Variants in TMEM184B observed in about 807,000 individuals in gnomAD.
TMEM184B encodes putative MAPK-activating protein FM08.
Under a neutral mutation model 41.8 loss-of-function variants are expected in TMEM184B, and 17 were observed. The ratio of observed to expected loss-of-function variants is 0.41; its 90% confidence interval spans 0.28 to 0.61. The LOEUF (loss-of-function observed/expected upper bound fraction) is 0.61, where lower values mean the gene tolerates loss of function less well. TMEM184B is among the 20% of genes least tolerant of loss of function. TMEM184B has a pLI of 0.34. For missense variants in TMEM184B, 393 were observed against 557.8 expected (o/e 0.70, Z 2.98); for synonymous variants, 240 against 229.5 (o/e 1.05, Z -0.41).
In TMEM184B at chr22:38,224,786, T is replaced by C; in HGVS notation, c.981A>G (p.Gln327=). The C allele has an allele frequency of 6.3e-7, 1 of 1,595,192 alleles. No individual in the cohort carries two copies. Among genetic ancestry groups the C allele is most frequent in the Non-Finnish European group, 8.6e-7 (1 of 1,167,186 alleles). The change falls in exon 8 of 9, where the codon CAA becomes CAG. Residue 327 remains glutamine (Q), a splice_region_variant and synonymous_variant. Transcript: ENST00000361906. ...KVYADKRLDA[Q]GRCAPMKSIS... Reference sequence around the variant, plus strand: ...GTCGCCTAGGACCCTGGCTCATACCTTGTGCGTCCAGCCTCTTGTCAGCAT... The same window carrying C: ...GTCGCCTAGGACCCTGGCTCATACCCTGTGCGTCCAGCCTCTTGTCAGCAT...
intron 3 of TMEM184B, among the ~76,000 whole-genome samples, chr22:38,244,009 C>G (rs921914133): frequency 1.3e-5 from 2 of 152,222 alleles, no homozygotes; most frequent in Middle Eastern, 3.4e-3. Flanking sequence ...AGCAGAAGAG[C>G]TTCCCAGGCC....
At chr22:38,238,084 G>A (rs1206524306) in intron 3 of TMEM184B, among the ~76,000 whole-genome samples, 1 of 152,008 alleles carries the variant, frequency 6.6e-6, no homozygotes, top group African/African-American at 2.4e-5. Context: ...ACAGGTGTGA[G>A]CCACTGCGCC....
chr22:38,217,960 C>A (rs1346817045), downstream of TMEM184B, among the ~76,000 whole-genome samples: 5 of 152,012 alleles, frequency 3.3e-5, no homozygotes, highest in African/African-American at 1.2e-4. Context: ...GTGACACAGA[C>A]CCTGTCTCAA....
Position 38,219,304 on chromosome 22 carries a change from A to T in TMEM184B, c.*2165T>A. 1 of 985,672 alleles carries T rather than the reference A, an allele frequency of 1.0e-6. No homozygotes were observed. Among genetic ancestry groups the T allele is most frequent in the Non-Finnish European group, 1.2e-6 (1 of 829,914 alleles). The allele number at this position is 985,672 out of a possible 1,614,324, so 61.1% of individuals were successfully genotyped here. ...CACCCACAGGCAGAGATTTCAATACAATCTATATTATCTCATATATAGATT... is the reference window on the plus strand; with the variant it reads ...CACCCACAGGCAGAGATTTCAATACTATCTATATTATCTCATATATAGATT... On this transcript the variant is annotated 3_prime_UTR_variant, in exon 9 of 9. Transcript: ENST00000361906.
intron 3 of TMEM184B, among the ~76,000 whole-genome samples, chr22:38,240,072 A>G (rs1263431693): frequency 6.6e-6 from 1 of 152,124 alleles, no homozygotes; most frequent in Non-Finnish European, 1.5e-5. Context: ...CTCCCGCCTC[A>G]GCCTCCTGAG....
chr22:38,249,755 G>A (rs1310939545), intron 1 of TMEM184B, among the ~76,000 whole-genome samples: 2 of 152,206 alleles, frequency 1.3e-5, no homozygotes, highest in Admixed American at 1.3e-4. Flanking sequence ...GAAGACTAAG[G>A]CAGGAGCCTG....
At chr22:38,224,073 C>T (rs1198647932) in intron 8 of TMEM184B, 1 of 152,224 alleles carries the variant, frequency 6.6e-6, no homozygotes, top group Non-Finnish European at 1.5e-5. Flanking sequence ...GCTGTTAAAA[C>T]CTATTACCAT....
intron 8 of TMEM184B, among the ~76,000 whole-genome samples, chr22:38,224,500 C>G (rs1459941389): frequency 3.3e-5 from 5 of 152,128 alleles, no homozygotes; most frequent in Admixed American, 6.5e-5. Context: ...GTTAGAAGCC[C>G]GAGGGAATTT....
chr22:38,250,738 G>C (rs1308148434), intron 1 of TMEM184B, among the ~76,000 whole-genome samples: 6 of 152,240 alleles, frequency 3.9e-5, no homozygotes. Context: ...GGGCGGTGTT[G>C]AGAAACCCCC....
chr22:38,236,427 G>A (rs1341146445), intron 3 of TMEM184B, among the ~76,000 whole-genome samples: 2 of 152,130 alleles, frequency 1.3e-5, no homozygotes, highest in African/African-American at 2.4e-5. Flanking sequence ...GACTCCCAGG[G>A]GCAGATCCCA....
In TMEM184B at chr22:38,219,933, G is replaced by A. The variant is rs545691478; in HGVS notation, c.*1536C>T. On this transcript the variant is annotated 3_prime_UTR_variant, in exon 9 of 9. Transcript: ENST00000361906. ...AGGAAAGGAAGGAGGCCAGGAAGACGGCTGGGCCCCAACTCTCCTCACAGG... is the reference window on the plus strand; with the variant it reads ...AGGAAAGGAAGGAGGCCAGGAAGACAGCTGGGCCCCAACTCTCCTCACAGG... 54 of 985,362 alleles carry A rather than the reference G, an allele frequency of 5.5e-5. No individual in the cohort carries two copies. Among genetic ancestry groups the A allele is most frequent in the Non-Finnish European group, 5.9e-5 (49 of 829,904 alleles). The allele number at this position is 985,362 out of a possible 1,614,324, so 61.0% of individuals were successfully genotyped here.
intron 1 of TMEM184B, among the ~76,000 whole-genome samples, chr22:38,252,899 T>C (rs1027361101): frequency 1.3e-5 from 2 of 152,114 alleles, no homozygotes; most frequent in African/African-American, 2.4e-5. Context: ...TCCTAGCACT[T>C]TGGGAGGCCG....
chr22:38,259,255 T>G (rs1349136786), intron 1 of TMEM184B, among the ~76,000 whole-genome samples: 1 of 152,228 alleles, frequency 6.6e-6, no homozygotes, highest in Non-Finnish European at 1.5e-5. Context: ...TGCTATCCCC[T>G]CTGCCCATGG....
chr22:38,237,644 G>A (rs1027346333), intron 3 of TMEM184B, among the ~76,000 whole-genome samples: 3 of 152,226 alleles, frequency 2.0e-5, no homozygotes, highest in African/African-American at 7.2e-5. Flanking sequence ...GAAAATAGGG[G>A]CCTCAGAACG....
At chr22:38,224,666 T>C in intron 8 of TMEM184B, 119 bp downstream of exon 8, 1 of 998,184 alleles carries the variant, frequency 1.0e-6, no homozygotes, top group South Asian at 2.0e-5. Context: ...GCATATAGAG[T>C]GGGGATCCCA....
rs752754195 is a variant in TMEM184B at position 38,224,815 on chromosome 22, C to T, written c.952G>A (p.Val318Ile). 1 of 1,612,640 alleles carries T rather than the reference C, an allele frequency of 6.2e-7. No homozygotes were observed. The highest frequency in any genetic ancestry group is 8.5e-7 in the Non-Finnish European group (1 of 1,179,208). The change falls in exon 8 of 9, where the codon GTC (valine) becomes ATC (isoleucine). Residue 318 changes from valine to isoleucine, a missense_variant. This residue lies in a region of TMEM184B where 271 missense variants were observed against 434.1 expected (regional missense o/e 0.62). Coordinates refer to ENST00000361906, the MANE Select transcript of TMEM184B (RefSeq NM_012264.5). ...GCGTCCAGCCTCTTGTCAGCATAGA[C>T]CTTGTAGGTGAAGGCGTGCCGCAGG... ...LALRHAFTYK[V>I]YADKRLDAQG...
intron 5 of TMEM184B, among the ~76,000 whole-genome samples, chr22:38,227,724 A>C (rs1368349079): frequency 6.6e-6 from 1 of 152,008 alleles, no homozygotes; most frequent in African/African-American, 2.4e-5. Flanking sequence ...GTCACTCCCC[A>C]CACCACAGGG....
intron 2 of TMEM184B, among the ~76,000 whole-genome samples, 186 bp downstream of exon 2, chr22:38,247,584 A>C (rs1047315454): frequency 2.0e-5 from 3 of 152,226 alleles, no homozygotes; most frequent in African/African-American, 4.8e-5. Context: ...TGGGTGACAG[A>C]GTGAGACTCT....
Position 38,225,666 on chromosome 22 carries a change from C to A in TMEM184B, c.618-73G>T. 2 of 1,473,216 alleles carry A rather than the reference C, an allele frequency of 1.4e-6. No homozygotes were observed. Among genetic ancestry groups the A allele is most frequent in the Admixed American group, 2.7e-5 (1 of 37,574 alleles). 91.3% of individuals were successfully genotyped at this position (1,473,216 alleles called of 1,614,324 possible). On this transcript the variant is annotated intron_variant, in intron 6 of 8. Transcript: ENST00000361906. The surrounding 1 kb of genome is among the most constrained non-coding windows in gnomAD (Gnocchi z 4.4). The stretch of plus-strand genomic sequence containing the variant: ...AGGGGCTCTCCTCGACTGCACCACA[C>A]ACAGTCCCCATGGCTCTCAGCCCCA...
Sources: gnomAD v4.1 joint callset for allele counts (sites outside exome capture counted in the v4.1 genomes callset) on GRCh38, gnomAD v4.1.1 for gene constraint, gnomAD v4.1.1 regional missense constraint, Gnocchi (gnomAD v3.1) non-coding constraint, MANE v1.5 for transcripts, NCBI Gene and HGNC (gene_info 2026-07-23, HGNC 2026-07-21) for gene names.